The following ZNF292 variants were observed in gnomAD, a reference collection of about 807,000 sequenced individuals.
ZNF292 encodes the protein 16 zinc-finger domain protein.
In ZNF292, 26 loss-of-function variants were observed where a neutral mutation model predicts 217.9. The ratio of observed to expected loss-of-function variants is 0.12; its 90% confidence interval spans 0.09 to 0.17. ZNF292 has a LOEUF of 0.17. Ranked by LOEUF, ZNF292 falls within the 10% of genes least tolerant of loss-of-function variation. The probability of loss-of-function intolerance (pLI) is 1.00; values close to 1 mark genes in which losing one functional copy is unlikely to be tolerated. For synonymous variants in ZNF292, 1,257 were observed against 1,124.1 expected (o/e 1.12, Z -2.37); for missense variants, 2,904 against 3,175.2 (o/e 0.91, Z 2.05).
At chr6:87,183,585 T>C (rs981689477) in intron 1 of ZNF292, among the ~76,000 whole-genome samples, 1 of 152,200 alleles carries the variant, frequency 6.6e-6, no homozygotes, top group African/African-American at 2.4e-5. Context: ...TTACAAACTT[T>C]TTAAAAGATG....
Position 87,263,986 on chromosome 6 carries a change from G to A in ZNF292, c.*2185G>A, listed in dbSNP as rs1346410873. Reference sequence around the variant, plus strand: ...CATTTCTAATTGTTTTACATGTCATGGGGAAGAGTTTGCCAACATTTAATG... The same window carrying A: ...CATTTCTAATTGTTTTACATGTCATAGGGAAGAGTTTGCCAACATTTAATG... On this transcript the variant is annotated 3_prime_UTR_variant, in exon 8 of 8. Transcript: ENST00000369577. 6.6e-6 allele frequency: 1 copy of A among 152,060 alleles called. No homozygotes were observed. The highest frequency in any genetic ancestry group is 1.9e-4 in the East Asian group (1 of 5,192). 9.4% of individuals were successfully genotyped at this position (152,060 alleles called of 1,614,324 possible). A position where few individuals can be genotyped will look rare whatever the true frequency, so the allele number is the denominator to read the frequency against.
rs115782860 is a variant in ZNF292, at chr6:87,249,107, C to T, written c.1020+3463C>T. ...TTTGGAAGTTGGCCATGGCAGCAGC[C>T]TTCTTCTCTGTTGTTGCTTTTGTTG... is the stretch of plus-strand genomic sequence containing the variant. On this transcript the variant is annotated intron_variant, in intron 7 of 7. Transcript: ENST00000369577. Among the ~76,000 whole-genome samples, 1,078 of 152,268 alleles carry T rather than the reference C, an allele frequency of 7.1e-3. 18 individuals carry two copies. Among genetic ancestry groups the T allele is most frequent in the African/African-American group, 0.024 (978 of 41,556 alleles).
At chr6:87,210,874 C>T (rs1358490318) in intron 1 of ZNF292, among the ~76,000 whole-genome samples, 1 of 152,148 alleles carries the variant, frequency 6.6e-6, no homozygotes, top group East Asian at 1.9e-4. Context: ...CATCACTCAG[C>T]CCTAGCTAGT....
rs1171552428 is a variant in ZNF292 at position 87,258,934 on chromosome 6, C to G, written c.5305C>G (p.Gln1769Glu). The change falls in exon 8 of 8, where the codon CAA becomes GAA. Residue 1769 changes from glutamine to glutamate, a missense_variant. Coordinates refer to ENST00000369577, the MANE Select transcript of ZNF292 (RefSeq NM_015021.3). Reference protein sequence around the residue: ...LEIIKTAMNSQILEVKSGSQG... With the variant: ...LEIIKTAMNSEILEVKSGSQG... ...AATTATTAAAACTGCTATGAATTCT[C>G]AAATACTTGAGGTAAAAAGTGGATC... is the stretch of plus-strand genomic sequence containing the variant. 1 of 1,611,414 alleles carries G rather than the reference C, an allele frequency of 6.2e-7. No individual in the cohort carries two copies. The highest frequency in any genetic ancestry group is 8.5e-7 in the Non-Finnish European group (1 of 1,178,590).
At chr6:87,227,692 A>G (rs1178550874) in intron 4 of ZNF292, among the ~76,000 whole-genome samples, 3 of 151,940 alleles carry the variant, frequency 2.0e-5, no homozygotes, top group Admixed American at 6.6e-5. Flanking sequence ...ATCATATCAT[A>G]TTTTTCTTTT....
intron 5 of ZNF292, among the ~76,000 whole-genome samples, chr6:87,235,374 T>G (rs1369958936): frequency 6.6e-6 from 1 of 152,022 alleles, no homozygotes; most frequent in Non-Finnish European, 1.5e-5. Flanking sequence ...TCCACAGATT[T>G]GTATTAAGTG....
intron 1 of ZNF292, among the ~76,000 whole-genome samples, chr6:87,207,910 A>G (rs1772313552): frequency 6.6e-6 from 1 of 151,862 alleles, no homozygotes; most frequent in Admixed American, 6.6e-5. Context: ...CTCATGTTAG[A>G]GCTCCCTTTT....
rs115632792 is a variant in ZNF292 at position 87,236,648 on chromosome 6, C to T, written c.741+3121C>T. 7.1e-3 allele frequency among the ~76,000 whole-genome samples: 1,078 copies of T among 152,172 alleles called. 18 individuals are homozygous for T. The highest frequency in any genetic ancestry group is 0.024 in the African/African-American group (978 of 41,516). Reference sequence around the variant, plus strand: ...TTGTATCTCTGTAGCTGTCTCATTTCCCTAATTAATACTCCACTAGGTAAT... The same window carrying T: ...TTGTATCTCTGTAGCTGTCTCATTTTCCTAATTAATACTCCACTAGGTAAT... On this transcript the variant is annotated intron_variant, in intron 5 of 7. Coordinates refer to ENST00000369577, the MANE Select transcript of ZNF292 (RefSeq NM_015021.3).
At chr6:87,175,043 CAGAGAA>C (rs1326115817) in intron 1 of ZNF292, among the ~76,000 whole-genome samples, 1 of 152,158 alleles carries the variant, frequency 6.6e-6, no homozygotes, top group East Asian at 1.9e-4. Context: ...CCCACCACTT[CAGAGAA>C]CCATCCCACT....
At chr6:87,217,942 C>T (rs958635443) in intron 3 of ZNF292, among the ~76,000 whole-genome samples, 9 of 152,114 alleles carry the variant, frequency 5.9e-5, no homozygotes, top group African/African-American at 2.2e-4. Context: ...CCCATAAAGT[C>T]AGGGACTAGT....
rs1035654669 is a variant in ZNF292, at chr6:87,261,361, C to T, written c.7732C>T (p.Pro2578Ser). 7 of 1,613,154 alleles carry T rather than the reference C, an allele frequency of 4.3e-6. No individual in the cohort carries two copies. In the African/African-American group the frequency reaches 8.0e-5, roughly 18 times the overall value. ...AVAIQTIEEH[P>S]ASFDWSSFKP... Reference sequence around the variant, plus strand: ...TGCCATTCAAACCATTGAGGAGCATCCTGCATCTTTTGACTGGAGCTCTTT... The same window carrying T: ...TGCCATTCAAACCATTGAGGAGCATTCTGCATCTTTTGACTGGAGCTCTTT... Residue 2578 changes from proline to serine, a missense_variant, in exon 8 of 8, where the codon CCT (proline) becomes TCT (serine). Pro to Ser is a moderately conservative substitution (Grantham distance 74). This residue lies in a region of ZNF292 where 380 missense variants were observed against 355.3 expected (regional missense o/e 1.07). Coordinates refer to ENST00000369577, the MANE Select transcript of ZNF292 (RefSeq NM_015021.3).
chr6:87,157,739 A>G (rs1770593891), intron 1 of ZNF292, among the ~76,000 whole-genome samples: 1 of 152,122 alleles, frequency 6.6e-6, no homozygotes, highest in African/African-American at 2.4e-5. Context: ...CCCGGGCTGG[A>G]GTGCAGTGGT....
chr6:87,166,404 T>C (rs1770916956), intron 1 of ZNF292, among the ~76,000 whole-genome samples: 4 of 152,202 alleles, frequency 2.6e-5, no homozygotes, highest in Admixed American at 2.6e-4. Flanking sequence ...TAAGTCATGC[T>C]TTCTTTGAAA....
intron 1 of ZNF292, among the ~76,000 whole-genome samples, chr6:87,202,909 C>T (rs146255512): frequency 1.1e-4 from 17 of 151,952 alleles, no homozygotes; most frequent in African/African-American, 4.1e-4. Flanking sequence ...CTTACTGTGC[C>T]TAATTTACAA....
chr6:87,257,271 T>C lies in ZNF292; in HGVS notation c.3642T>C (p.Asn1214=). The C allele has an allele frequency of 6.2e-7, 1 of 1,613,674 alleles. No homozygotes were observed. Among genetic ancestry groups the C allele is most frequent in the African/African-American group, 1.3e-5 (1 of 75,022 alleles). Residue 1214 remains asparagine (N), a synonymous_variant, in exon 8 of 8, where the codon AAT becomes AAC. Coordinates refer to ENST00000369577, the MANE Select transcript of ZNF292 (RefSeq NM_015021.3). ...CAATGGAAAGTGTCATAAATCCAAATATAACTTCTCAGGATAAAAATGAAC... is the reference window on the plus strand; with the variant it reads ...CAATGGAAAGTGTCATAAATCCAAACATAACTTCTCAGGATAAAAATGAAC... ...LSSMESVINP[N]ITSQDKNEQG...
chr6:87,240,517 G>A (rs1774224139), intron 5 of ZNF292, among the ~76,000 whole-genome samples: 1 of 152,136 alleles, frequency 6.6e-6, no homozygotes, highest in African/African-American at 2.4e-5. Context: ...CCACCTCCCA[G>A]GTTCAAGCAA....
intron 5 of ZNF292, among the ~76,000 whole-genome samples, chr6:87,237,930 A>C (rs757648176): frequency 6.6e-6 from 1 of 152,198 alleles, no homozygotes; most frequent in Non-Finnish European, 1.5e-5. Flanking sequence ...TTCACTTTTC[A>C]TGATTTTAAT....
In ZNF292 at chr6:87,257,092, T is replaced by C. The variant is rs993149901; in HGVS notation, c.3463T>C (p.Tyr1155His). ...TACACCAAATAATGGAAAGTTTGTT[T>C]ATTTTTTGCCATCACCGGTGAACAG... ...LNTPNNGKFV[Y>H]FLPSPVNSSN... The change falls in exon 8 of 8, where the codon TAT becomes CAT. Residue 1155 changes from tyrosine to histidine, a missense_variant. Tyr to His is a moderately conservative substitution (Grantham distance 83, BLOSUM62 2). This residue lies in a region of ZNF292 where 687 missense variants were observed against 623.0 expected (regional missense o/e 1.10). Coordinates refer to ENST00000369577, the MANE Select transcript of ZNF292 (RefSeq NM_015021.3). The C allele has an allele frequency of 2.2e-5, 35 of 1,613,822 alleles. No individual in the cohort carries two copies. The highest frequency in any genetic ancestry group is 3.0e-5 in the Non-Finnish European group (35 of 1,179,856).
intron 1 of ZNF292, among the ~76,000 whole-genome samples, chr6:87,194,973 T>G (rs1771914123): frequency 6.6e-6 from 1 of 151,814 alleles, no homozygotes; most frequent in Non-Finnish European, 1.5e-5. Context: ...ACAAATGGCC[T>G]TCGATAAAAT....
Sources: gnomAD v4.1 joint callset for allele counts (sites outside exome capture counted in the v4.1 genomes callset) on GRCh38, gnomAD v4.1.1 for gene constraint, gnomAD v4.1.1 regional missense constraint, MANE v1.5 for transcripts, NCBI Gene and HGNC (gene_info 2026-07-23, HGNC 2026-07-21) for gene names.